The following ARHGAP26 variants were observed in gnomAD, a reference collection of about 807,000 sequenced individuals.
ARHGAP26 encodes the protein Rho GTPase activating protein 26, also known as rho GTPase-activating protein 26.
Under a neutral mutation model 104.8 loss-of-function variants are expected in ARHGAP26, and 38 were observed. That is an observed-to-expected ratio of 0.36 (90% confidence interval 0.28 to 0.48). ARHGAP26 has a LOEUF of 0.48. ARHGAP26 is among the 20% of genes least tolerant of loss of function. The pLI is 0.99. For missense variants in ARHGAP26, 704 were observed against 947.9 expected (o/e 0.74, Z 3.38); for synonymous variants, 341 against 340.0 (o/e 1.00, Z -0.03).
chr5:142,788,777 T>TC (rs1759182419), intron 1 of ARHGAP26, among the ~76,000 whole-genome samples: 1 of 152,232 alleles, frequency 6.6e-6, no homozygotes, highest in East Asian at 1.9e-4. Context: ...GATATTGGTA[T>TC]CTGTTGGGAG....
chr5:143,018,493 A>C (rs913529358), intron 12 of ARHGAP26, among the ~76,000 whole-genome samples: 4 of 152,150 alleles, frequency 2.6e-5, no homozygotes, highest in African/African-American at 9.7e-5. Context: ...TTAAGTTTCT[A>C]ATCTAGCTGA....
intron 7 of ARHGAP26, 53 bp downstream of exon 7, chr5:142,902,092 A>C: frequency 6.7e-7 from 1 of 1,487,842 alleles, no homozygotes; most frequent in Non-Finnish European, 9.3e-7. Flanking sequence ...AAAACAAAAT[A>C]TGGGCCTGAT....
chr5:143,080,988 A>C (rs1789726999), intron 17 of ARHGAP26, among the ~76,000 whole-genome samples: 1 of 152,134 alleles, frequency 6.6e-6, no homozygotes, highest in African/African-American at 2.4e-5. Flanking sequence ...AGGATTAACC[A>C]ATGAGCTAGA....
chr5:142,864,624 A>T (rs1447526501), intron 1 of ARHGAP26, among the ~76,000 whole-genome samples: 1 of 152,184 alleles, frequency 6.6e-6, no homozygotes, highest in Non-Finnish European at 1.5e-5. Context: ...GGTAATTAAG[A>T]TTCTCCTTTG....
intron 11 of ARHGAP26, among the ~76,000 whole-genome samples, chr5:142,947,829 A>G (rs957795860): frequency 2.6e-5 from 4 of 152,154 alleles, no homozygotes; most frequent in African/African-American, 7.2e-5. Context: ...AAGATCGTTG[A>G]GTATACTGAT....
chr5:142,889,623 A>T (rs1758209276), intron 5 of ARHGAP26, among the ~76,000 whole-genome samples: 1 of 152,134 alleles, frequency 6.6e-6, no homozygotes, highest in Non-Finnish European at 1.5e-5. Flanking sequence ...GTCTCAAGAA[A>T]GGAATAGATA....
chr5:142,936,058 A>G (rs1765361288), intron 11 of ARHGAP26, among the ~76,000 whole-genome samples: 1 of 151,112 alleles, frequency 6.6e-6, no homozygotes, highest in Non-Finnish European at 1.5e-5. Flanking sequence ...AAGGTATACA[A>G]CTGCCCCCAC....
At chr5:142,963,071 G>A (rs775324336) in intron 11 of ARHGAP26, among the ~76,000 whole-genome samples, 5 of 151,010 alleles carry the variant, frequency 3.3e-5, no homozygotes, top group Admixed American at 6.6e-5. Context: ...CTATTTCTGC[G>A]TTAGTTTGCT....
intron 13 of ARHGAP26, among the ~76,000 whole-genome samples, chr5:143,037,547 G>T (rs1253352819): frequency 2.0e-5 from 3 of 152,094 alleles, no homozygotes; most frequent in Non-Finnish European, 4.4e-5. Context: ...AAAAACACAG[G>T]GTATCATGAT....
intron 20 of ARHGAP26, among the ~76,000 whole-genome samples, chr5:143,190,981 G>A (rs529193461): frequency 6.6e-6 from 1 of 152,332 alleles, no homozygotes; most frequent in East Asian, 1.9e-4. Context: ...ATCTAGAAAA[G>A]GCAGATCTCT....
intron 12 of ARHGAP26, among the ~76,000 whole-genome samples, chr5:143,028,610 A>T (rs1781411307): frequency 6.6e-6 from 1 of 152,224 alleles, no homozygotes; most frequent in Admixed American, 6.5e-5. Flanking sequence ...AGTAAATCCC[A>T]GTTGCTATAC....
chr5:143,152,577 G>A (rs2151011986), intron 20 of ARHGAP26, among the ~76,000 whole-genome samples: 1 of 152,282 alleles, frequency 6.6e-6, no homozygotes, highest in Non-Finnish European at 1.5e-5. Flanking sequence ...ATTAAAAATG[G>A]CCATAGAATC....
At chr5:142,773,110 C>G (rs1459523100) in intron 1 of ARHGAP26, among the ~76,000 whole-genome samples, 1 of 152,064 alleles carries the variant, frequency 6.6e-6, no homozygotes, top group East Asian at 1.9e-4. Context: ...AGGGTGGAGT[C>G]AACCATTGTG....
intron 17 of ARHGAP26, among the ~76,000 whole-genome samples, chr5:143,058,611 T>C (rs1786221138): frequency 6.6e-6 from 1 of 152,282 alleles, no homozygotes; most frequent in Non-Finnish European, 1.5e-5. Context: ...CCCTACATTC[T>C]ATTGAACTGA....
intron 11 of ARHGAP26, among the ~76,000 whole-genome samples, chr5:142,988,356 T>G (rs1775079575): frequency 6.6e-6 from 1 of 152,218 alleles, no homozygotes; most frequent in African/African-American, 2.4e-5. Flanking sequence ...TCATTTTTTA[T>G]TGTTTCTAGT....
At chr5:143,046,736 A>G (rs1272500260) in intron 14 of ARHGAP26, among the ~76,000 whole-genome samples, 1 of 152,214 alleles carries the variant, frequency 6.6e-6, no homozygotes, top group African/African-American at 2.4e-5. Context: ...TCAGCTATAT[A>G]CTTGTTCAGT....
intron 5 of ARHGAP26, among the ~76,000 whole-genome samples, chr5:142,893,168 G>A (rs1320295378): frequency 6.6e-6 from 1 of 151,866 alleles, no homozygotes; most frequent in Non-Finnish European, 1.5e-5. Flanking sequence ...AGTAGAGATG[G>A]GGTTTCACCA....
At chr5:142,945,870 A>G (rs555493362) in intron 11 of ARHGAP26, among the ~76,000 whole-genome samples, 1 of 152,120 alleles carries the variant, frequency 6.6e-6, no homozygotes, top group Non-Finnish European at 1.5e-5. Flanking sequence ...TAATATATAT[A>G]TTTTTCTGGT....
chr5:142,896,326 T>G (rs115910851), intron 6 of ARHGAP26, among the ~76,000 whole-genome samples: 1 of 152,024 alleles, frequency 6.6e-6, no homozygotes, highest in African/African-American at 2.4e-5. Flanking sequence ...TTTTGATGAG[T>G]TTTTTTTGTA....
Sources: allele counts gnomAD v4.1 joint callset (sites outside exome capture counted in the v4.1 genomes callset), GRCh38; gene constraint gnomAD v4.1.1; transcripts MANE v1.5; gene names NCBI Gene and HGNC (gene_info 2026-07-23, HGNC 2026-07-21).